The following CCDC57 variants were observed in gnomAD, a reference collection of about 807,000 sequenced individuals.
CCDC57 encodes the protein coiled-coil domain-containing protein 57.
Under a neutral mutation model 118.9 loss-of-function variants are expected in CCDC57, and 118 were observed. That is an observed-to-expected ratio of 0.99 (90% CI 0.86 to 1.16). The LOEUF (loss-of-function observed/expected upper bound fraction) is 1.16, where lower values mean the gene tolerates loss of function less well. CCDC57 is among the 50% of genes most tolerant of loss of function. The pLI is 0.00. For missense variants in CCDC57, 1,300 were observed against 1,320.7 expected (o/e 0.98, Z 0.24); for synonymous variants, 527 against 532.9 (o/e 0.99, Z 0.15).
intron 1 of CCDC57, among the ~76,000 whole-genome samples, chr17:82,209,843 T>C (rs1427669852): frequency 6.6e-6 from 1 of 152,062 alleles, no homozygotes; most frequent in Non-Finnish European, 1.5e-5. Context: ...ATGTGTATAG[T>C]GTATAGAAAC....
chr17:82,194,347 G>T, intron 5 of CCDC57: 1 of 512,868 alleles, frequency 1.9e-6, no homozygotes, highest in Non-Finnish European at 3.4e-6. Flanking sequence ...GTCTTGCTCT[G>T]TTGCCCAGGC....
At chr17:82,109,181 G>T (rs2035073579) in intron 19 of CCDC57, among the ~76,000 whole-genome samples, 1 of 152,228 alleles carries the variant, frequency 6.6e-6, no homozygotes, top group Non-Finnish European at 1.5e-5. Context: ...CTCAGAAGAA[G>T]CCATAAGAGA....
intron 19 of CCDC57, among the ~76,000 whole-genome samples, chr17:82,114,356 G>A (rs972193498): frequency 6.6e-6 from 1 of 152,152 alleles, no homozygotes; most frequent in African/African-American, 2.4e-5. Flanking sequence ...GGGGAGGGAC[G>A]GGGGCGTGAG....
At chr17:82,133,034 A>G (rs983486678) in intron 17 of CCDC57, among the ~76,000 whole-genome samples, 2 of 152,088 alleles carry the variant, frequency 1.3e-5, no homozygotes, top group Non-Finnish European at 2.9e-5. Context: ...CTGGGATTAT[A>G]GGCGTGAGCC....
chr17:82,127,024 C>T (rs2037542497), intron 19 of CCDC57: 2 of 985,444 alleles, frequency 2.0e-6, no homozygotes, highest in African/African-American at 1.7e-5. Context: ...CTCGCTACAT[C>T]ACAGACCCAT....
chr17:82,128,690 C>G (rs1568191209), intron 17 of CCDC57, 93 bp from the exon 17 acceptor site: 1 of 1,003,398 alleles, frequency 1.0e-6, no homozygotes, highest in East Asian at 2.6e-5. Context: ...GAAGAAATGC[C>G]TTCCCACATT....
rs1568126545 is a variant in CCDC57, at chr17:82,102,422, G to A, written c.2900-556C>T. 2.0e-5 allele frequency among the ~76,000 whole-genome samples: 3 copies of A among 152,388 alleles called. No individual in the cohort carries two copies. In the East Asian group the frequency reaches 5.8e-4, roughly 29 times the overall value. ...CAGGAGTGCGCTACACACAGAGGCTGGGGCCTAAATGCCAGATAGCCCTTC... is the reference window on the plus strand; with the variant it reads ...CAGGAGTGCGCTACACACAGAGGCTAGGGCCTAAATGCCAGATAGCCCTTC... On this transcript the variant is annotated intron_variant, in intron 19 of 19. Transcript: ENST00000665763.
chr17:82,195,708 A>C (rs548754624), intron 4 of CCDC57, among the ~76,000 whole-genome samples: 1 of 152,324 alleles, frequency 6.6e-6, no homozygotes, highest in African/African-American at 2.4e-5. Context: ...TTCCAAAACA[A>C]GACAAGAAAT....
rs199796690 is a variant in CCDC57, at chr17:82,101,761, C to T, written c.3005G>A (p.Gly1002Glu). Residue 1002 changes from glycine to glutamate, a missense_variant, in exon 20 of 20, where the codon GGA becomes GAA. By Grantham distance (98) the Gly-to-Glu change is moderately conservative. Coordinates refer to ENST00000665763, the Ensembl canonical transcript of CCDC57. ...TTTTGCAGGATGAGACCGGGAGGCTCCTGTGGTCTTGGCCTTTGCCTGGGC... is the reference window on the plus strand; with the variant it reads ...TTTTGCAGGATGAGACCGGGAGGCTTCTGTGGTCTTGGCCTTTGCCTGGGC... The T allele has an allele frequency of 1.9e-4, 309 of 1,610,040 alleles. 2 individuals are homozygous for T. In the African/African-American group the frequency reaches 3.9e-3, roughly 20 times the overall value.
intron 19 of CCDC57, chr17:82,113,472 G>A (rs2035445693): frequency 2.8e-6 from 2 of 717,502 alleles, no homozygotes; most frequent in Admixed American, 2.0e-5. Flanking sequence ...CTGGACAGCA[G>A]GACTGTCCTG....
chr17:82,155,656 C>T (rs973250116), intron 15 of CCDC57: 2 of 152,362 alleles, frequency 1.3e-5, no homozygotes, highest in African/African-American at 2.4e-5. Flanking sequence ...CTATACCCAA[C>T]ATAACGGACA....
At chr17:82,151,095 A>C (rs2041953969) in intron 16 of CCDC57, among the ~76,000 whole-genome samples, 4 of 134,218 alleles carry the variant, frequency 3.0e-5, no homozygotes, top group Admixed American at 1.5e-4. Context: ...CCTGGTGCAC[A>C]CCCAGAACCT....
chr17:82,186,623 T>C (rs981032775), intron 8 of CCDC57, among the ~76,000 whole-genome samples: 2 of 152,114 alleles, frequency 1.3e-5, no homozygotes, highest in East Asian at 1.9e-4. Flanking sequence ...TAAGAGCCAT[T>C]TCCCCCTTAA....
chr17:82,127,227 G>A (rs1476685198), intron 19 of CCDC57: 33 of 985,294 alleles, frequency 3.3e-5, no homozygotes, highest in Non-Finnish European at 3.6e-5. Context: ...TGTCTGGCCC[G>A]TGAGGCTGAG....
chr17:82,209,400 A>G (rs1482379456), intron 1 of CCDC57, among the ~76,000 whole-genome samples: 2 of 152,244 alleles, frequency 1.3e-5, no homozygotes, highest in African/African-American at 4.8e-5. Flanking sequence ...ACTTAAAATC[A>G]GTAAGGACTC....
Position 82,194,309 on chromosome 17 carries a change from C to CCT in CCDC57, c.619-171_619-170insAG. 7.7e-6 allele frequency: 4 copies of CCT among 517,614 alleles called. No individual in the cohort carries two copies. The South Asian group carries it at 1.2e-4, about 16-fold the overall frequency. 32.1% of individuals were successfully genotyped at this position (517,614 alleles called of 1,614,324 possible). On this transcript the variant is annotated intron_variant, in intron 5 of 19. Coordinates refer to ENST00000665763, the Ensembl canonical transcript of CCDC57. ...ACACAACTCAAACGAGACTCAATGA[C>CCT]TTTTTTTTTTTTCTTTTTGGAGACA...
chr17:82,148,692 T>A (rs1178845722), intron 16 of CCDC57, among the ~76,000 whole-genome samples: 6 of 75,694 alleles, frequency 7.9e-5, no homozygotes, highest in South Asian at 6.0e-4. Context: ...GGATGGATGG[T>A]TGGGTGGGTG....
chr17:82,116,099 A>C (rs1598651091), intron 19 of CCDC57, among the ~76,000 whole-genome samples: 1 of 113,724 alleles, frequency 8.8e-6, no homozygotes, highest in African/African-American at 3.6e-5. Flanking sequence ...GCCCGGCCAC[A>C]ACCTTTTTTT....
At chr17:82,137,723 G>C (rs2039416796) in intron 16 of CCDC57, among the ~76,000 whole-genome samples, 1 of 150,668 alleles carries the variant, frequency 6.6e-6, no homozygotes, top group African/African-American at 2.4e-5. Context: ...CGCCAGGCTG[G>C]AGTGCAGTGG....
Sources: gnomAD v4.1 joint callset for allele counts (sites outside exome capture counted in the v4.1 genomes callset) on GRCh38, gnomAD v4.1.1 for gene constraint, MANE v1.5 for transcripts, NCBI Gene and HGNC (gene_info 2026-07-23, HGNC 2026-07-21) for gene names.